UBE2V2: variants seen among roughly 807,000 people sequenced by gnomAD.
UBE2V2 encodes the protein ubiquitin-conjugating enzyme E2 variant 2.
A neutral mutation model predicts 17.2 loss-of-function variants in UBE2V2; 9 were observed. The observed-to-expected ratio is 0.52, with a 90% CI of 0.32 to 0.91. The LOEUF (loss-of-function observed/expected upper bound fraction) is 0.91. Among genes scored for constraint, UBE2V2 ranks in the 40% least tolerant of loss-of-function variants. UBE2V2 has a pLI of 0.04. For missense variants in UBE2V2, 133 were observed against 182.6 expected, an observed-to-expected ratio of 0.73 and a Z score of 1.56; for synonymous variants, 61 against 57.5, an observed-to-expected ratio of 1.06 and a Z score of -0.28.
chr8:48,058,687 A>G (rs1463939229), intron 3 of UBE2V2, among the ~76,000 whole-genome samples: 2 of 151,902 alleles, frequency 1.3e-5, no homozygotes, highest in African/African-American at 2.4e-5. Flanking sequence ...TGTTAGCTCT[A>G]AGTTTTTTGT....
intron 1 of UBE2V2, among the ~76,000 whole-genome samples, chr8:48,034,158 T>C (rs1388785871): frequency 7.2e-6 from 1 of 138,776 alleles, no homozygotes; most frequent in Non-Finnish European, 1.5e-5. Context: ...AGTCTCGCAC[T>C]GTCACCGGGC....
intron 1 of UBE2V2, among the ~76,000 whole-genome samples, chr8:48,024,230 T>A (rs760762781): frequency 1.2e-4 from 19 of 152,312 alleles, no homozygotes; most frequent in Non-Finnish European, 2.6e-4. Context: ...AGATGAGCAG[T>A]AGAAATACAG....
intron 1 of UBE2V2, among the ~76,000 whole-genome samples, chr8:48,031,671 T>C (rs1457027611): frequency 2.0e-5 from 3 of 152,324 alleles, no homozygotes; most frequent in South Asian, 2.1e-4. Flanking sequence ...TTTTTTCTTT[T>C]TTGAGACGGA....
chr8:48,035,176 C>T (rs555393497), intron 1 of UBE2V2: 1 of 941,688 alleles, frequency 1.1e-6, no homozygotes, highest in Admixed American at 7.8e-5. Flanking sequence ...AGTGCAGTGG[C>T]ACAATCTCAG....
At chr8:48,043,251 T>C (rs900074005) in intron 2 of UBE2V2, 70 bp downstream of exon 2, 4 of 1,175,248 alleles carry the variant, frequency 3.4e-6, no homozygotes, top group Non-Finnish European at 4.5e-6. Context: ...TTTATACTAT[T>C]GATATTAAAA....
chr8:48,042,122 T>C (rs924900388), intron 1 of UBE2V2: 4 of 152,232 alleles, frequency 2.6e-5, no homozygotes, highest in African/African-American at 9.6e-5. Flanking sequence ...ACTGGAATTA[T>C]GTTTTTCACA....
intron 1 of UBE2V2, among the ~76,000 whole-genome samples, chr8:48,031,058 A>C (rs938140969): frequency 6.6e-6 from 1 of 151,856 alleles, no homozygotes; most frequent in Non-Finnish European, 1.5e-5. Flanking sequence ...CAAAAACAAA[A>C]ATTAGCCAGG....
intron 1 of UBE2V2, among the ~76,000 whole-genome samples, chr8:48,019,027 T>A (rs937344734): frequency 1.1e-4 from 16 of 151,296 alleles, no homozygotes; most frequent in Non-Finnish European, 2.1e-4. Context: ...GATCAGGAGT[T>A]CAAGACCAAC....
upstream of UBE2V2, among the ~76,000 whole-genome samples, chr8:48,004,471 A>G (rs561613090): frequency 6.6e-6 from 1 of 150,710 alleles, no homozygotes; most frequent in South Asian, 2.1e-4. Flanking sequence ...TTGAGAGTAG[A>G]TAAGGATAGT....
Position 48,063,107 on chromosome 8 carries a change from T to G in UBE2V2, c.*2279T>G, listed in dbSNP as rs1312500346. 1 of 152,214 alleles carries G rather than the reference T, an allele frequency of 6.6e-6. No individual in the cohort carries two copies. Among genetic ancestry groups the G allele is most frequent in the Non-Finnish European group, 1.5e-5 (1 of 68,044 alleles). The allele number at this position is 152,214 out of a possible 1,614,324, so 9.4% of individuals were successfully genotyped here. On this transcript the variant is annotated 3_prime_UTR_variant, in exon 4 of 4. Transcript: ENST00000523111. ...TGGGTACCTCAGTCTCTTGTCCTGTTTCCTTCCCCCAAATCCACCATTGTG... is the reference window on the plus strand; with the variant it reads ...TGGGTACCTCAGTCTCTTGTCCTGTGTCCTTCCCCCAAATCCACCATTGTG...
chr8:48,023,164 A>G (rs1342119448), intron 1 of UBE2V2, among the ~76,000 whole-genome samples: 1 of 150,878 alleles, frequency 6.6e-6, no homozygotes, highest in Non-Finnish European at 1.5e-5. Context: ...GTAGCCATAT[A>G]CTTATAACTT....
intron 3 of UBE2V2, among the ~76,000 whole-genome samples, chr8:48,057,430 T>A (rs1055006796): frequency 2.0e-5 from 3 of 152,056 alleles, no homozygotes; most frequent in African/African-American, 7.2e-5. Flanking sequence ...GCCTCCCAAG[T>A]ATCTGGGATC....
chr8:48,054,886 G>A (rs1287528070), intron 3 of UBE2V2, among the ~76,000 whole-genome samples: 1 of 151,346 alleles, frequency 6.6e-6, no homozygotes, highest in Non-Finnish European at 1.5e-5. Flanking sequence ...GCTCTTTACT[G>A]CGTCCTCTCT....
chr8:48,010,092 G>A (rs2091217068), intron 1 of UBE2V2, among the ~76,000 whole-genome samples: 1 of 152,094 alleles, frequency 6.6e-6, no homozygotes, highest in South Asian at 2.1e-4. Flanking sequence ...ATACATGAGT[G>A]TATGTTAATA....
intron 1 of UBE2V2, among the ~76,000 whole-genome samples, chr8:48,023,730 GC>G (rs2091320814): frequency 1.3e-5 from 2 of 151,888 alleles, no homozygotes; most frequent in African/African-American, 4.8e-5. Context: ...AAAAAAATTA[GC>G]CAGGCATGAT....
chr8:48,008,009 C>T (rs1374899148), upstream of UBE2V2, among the ~76,000 whole-genome samples: 1 of 151,920 alleles, frequency 6.6e-6, no homozygotes, highest in Admixed American at 6.6e-5. Context: ...TGCCCCTCCG[C>T]CTCCCCGGTT....
intron 1 of UBE2V2, among the ~76,000 whole-genome samples, chr8:48,014,283 G>A (rs1228957167): frequency 6.6e-6 from 1 of 152,080 alleles, no homozygotes; most frequent in African/African-American, 2.4e-5. Context: ...CTTAATAATT[G>A]GGAAAATTAT....
chr8:48,035,977 A>G (rs189461373), intron 1 of UBE2V2, among the ~76,000 whole-genome samples: 3 of 142,670 alleles, frequency 2.1e-5, no homozygotes, highest in African/African-American at 7.9e-5. Flanking sequence ...TTGAGACCGA[A>G]TCTCACTCTG....
At chr8:48,008,429 G>T (rs1277694305), upstream of UBE2V2, 3 of 1,562,592 alleles carry the variant, frequency 1.9e-6, no homozygotes, top group African/African-American at 1.4e-5. Context: ...GTGCGTGCGG[G>T]CGGCTGCGTC....
Sources: allele counts gnomAD v4.1 joint callset (sites outside exome capture counted in the v4.1 genomes callset), GRCh38; gene constraint gnomAD v4.1.1; transcripts MANE v1.5; gene names NCBI Gene and HGNC (gene_info 2026-07-23, HGNC 2026-07-21).